AMMECR1L: variants seen among roughly 807,000 people sequenced by gnomAD.
The protein encoded by AMMECR1L is AMMECR1-like protein.
A neutral mutation model predicts 36.8 loss-of-function variants in AMMECR1L; 4 were observed. The observed-to-expected ratio is 0.11, with a 90% CI of 0.05 to 0.25. The LOEUF is 0.25. Ranked by LOEUF, AMMECR1L falls within the 10% of genes least tolerant of loss-of-function variation. The probability of loss-of-function intolerance (pLI) is 1.00; values close to 1 mark genes in which losing one functional copy is unlikely to be tolerated. For missense variants in AMMECR1L, 232 were observed against 392.1 expected (o/e 0.59, Z 3.45); for synonymous variants, 147 against 148.0 (o/e 0.99, Z 0.05).
rs949610374 is a variant in AMMECR1L, at chr2:127,866,902, G to A, written c.819C>T (p.Thr273=). The change falls in exon 7 of 8, where the codon ACC becomes ACT. Residue 273 remains threonine (T), a splice_region_variant and synonymous_variant. Transcript: ENST00000272647. ...AGGAAAACAAGACAATGGCTTACCT[G>A]GTGAGTTTGATCGTTTTTCTGAATT... is the stretch of plus-strand genomic sequence containing the variant. ...TSEFRKTIKL[T]RYRSEKVTIS... is the part of the protein sequence containing the mutation. 2.5e-6 allele frequency: 4 copies of A among 1,613,482 alleles called. No individual in the cohort carries two copies. In the African/African-American group the frequency reaches 5.3e-5, roughly 22 times the overall value.
At position 127,873,100 on chromosome 2, in the gene AMMECR1L, T is replaced by C; in HGVS notation, c.407+728A>G. ...CAACTGAGGAATGAATAATCTCATA[T>C]CAATGAACACTCCAAAAGCATACCC... On this transcript the variant is annotated intron_variant, in intron 3 of 7. Coordinates refer to ENST00000272647, the MANE Select transcript of AMMECR1L (RefSeq NM_001199140.2). The surrounding 1 kb of genome is among the most constrained non-coding windows in gnomAD (Gnocchi z 5.2). 2.0e-6 allele frequency: 2 copies of C among 985,358 alleles called. No individual in the cohort carries two copies. Among genetic ancestry groups the C allele is most frequent in the Non-Finnish European group, 2.4e-6 (2 of 829,922 alleles). 61.0% of individuals were successfully genotyped at this position (985,358 alleles called of 1,614,324 possible).
chr2:127,873,729 GATA>G lies in AMMECR1L; in HGVS notation c.407+96_407+98del. 1 of 1,586,086 alleles carries G rather than the reference GATA, an allele frequency of 6.3e-7. No homozygotes were observed. The highest frequency in any genetic ancestry group is 1.1e-5 in the South Asian group (1 of 87,058). The stretch of plus-strand genomic sequence containing the variant: ...TCTTCCCATTACCCTTTCCTCAAAT[GATA>G]ATAAAGACTTCCAAGTAGCAGACCC... On this transcript the variant is annotated intron_variant, in intron 3 of 7. Coordinates refer to ENST00000272647, the MANE Select transcript of AMMECR1L (RefSeq NM_001199140.2). The surrounding 1 kb of genome is among the most constrained non-coding windows in gnomAD (Gnocchi z 5.2).
At chr2:127,885,678 G>A in intron 1 of AMMECR1L, 132 bp downstream of exon 1, 2 of 983,934 alleles carry the variant, frequency 2.0e-6, no homozygotes, top group African/African-American at 1.7e-5. Flanking sequence ...CTCGCCCCAG[G>A]ACCGCGGGGT....
At chr2:127,870,746 A>G (rs1690928623) in intron 5 of AMMECR1L, 68 bp downstream of exon 5, 2 of 1,203,066 alleles carry the variant, frequency 1.7e-6, no homozygotes, top group Non-Finnish European at 2.4e-6. Flanking sequence ...AAGGAGATAC[A>G]TTGCCATGTA....
At chr2:127,870,603 G>C (rs918938509) in intron 5 of AMMECR1L, among the ~76,000 whole-genome samples, 2 of 152,130 alleles carry the variant, frequency 1.3e-5, no homozygotes, top group Non-Finnish European at 2.9e-5. Flanking sequence ...AGACTAGGGA[G>C]AATCAGGAGA....
At chr2:127,878,607 A>G (rs1266443949) in intron 2 of AMMECR1L, among the ~76,000 whole-genome samples, 2 of 152,210 alleles carry the variant, frequency 1.3e-5, no homozygotes, top group East Asian at 3.8e-4. Context: ...AACCACACCA[A>G]TGCAGATGAA....
At chr2:127,882,666 T>G (rs1290316545) in intron 2 of AMMECR1L, among the ~76,000 whole-genome samples, 1 of 152,090 alleles carries the variant, frequency 6.6e-6, no homozygotes, top group East Asian at 1.9e-4. Context: ...CAATCACAGC[T>G]CAATGCGGCT....
At chr2:127,867,800 G>T (rs2104746210) in intron 6 of AMMECR1L, among the ~76,000 whole-genome samples, 1 of 151,954 alleles carries the variant, frequency 6.6e-6, no homozygotes, top group East Asian at 1.9e-4. Context: ...GGAAGGAAAG[G>T]AAGGAAGGAA....
chr2:127,879,928 A>C (rs190310040), intron 2 of AMMECR1L, among the ~76,000 whole-genome samples: 27 of 152,378 alleles, frequency 1.8e-4, no homozygotes, highest in Admixed American at 1.6e-3. Flanking sequence ...TGTGCCCGCC[A>C]AACTTCCCTG....
In AMMECR1L at chr2:127,869,250, T is replaced by C. The variant is rs929993879; in HGVS notation, c.724+204A>G. Reference sequence around the variant, plus strand: ...AAATATCAGGCGAGTAAGTGAACGATTTACCCTTTTGCTTTTCCCAGCTCC... The same window carrying C: ...AAATATCAGGCGAGTAAGTGAACGACTTACCCTTTTGCTTTTCCCAGCTCC... On this transcript the variant is annotated intron_variant, in intron 6 of 7. Coordinates refer to ENST00000272647, the MANE Select transcript of AMMECR1L (RefSeq NM_001199140.2). This position sits in a 1 kb window ranked among gnomAD's most constrained non-coding sequence, Gnocchi z 4.7. 6.6e-6 allele frequency among the ~76,000 whole-genome samples: 1 copy of C among 152,176 alleles called. No homozygotes were observed. Among genetic ancestry groups the C allele is most frequent in the Non-Finnish European group, 1.5e-5 (1 of 68,044 alleles).
At chr2:127,883,902 T>C (rs970521616) in intron 2 of AMMECR1L, among the ~76,000 whole-genome samples, 2 of 152,188 alleles carry the variant, frequency 1.3e-5, no homozygotes, top group African/African-American at 4.8e-5. Flanking sequence ...TTTGGTTGTA[T>C]TGAGAAACTC....
In AMMECR1L at chr2:127,865,295, A is replaced by C; in HGVS notation, c.822-90T>G. ...CAGAGAAAAACCAAAAGCTTATTCC[A>C]CATTTTGAAAGAATAAAATGGAAGA... On this transcript the variant is annotated intron_variant, in intron 7 of 7. Coordinates refer to ENST00000272647, the MANE Select transcript of AMMECR1L (RefSeq NM_001199140.2). This position sits in a 1 kb window ranked among gnomAD's most constrained non-coding sequence, Gnocchi z 5.4. 1 of 746,124 alleles carries C rather than the reference A, an allele frequency of 1.3e-6. No homozygotes were observed. The highest frequency in any genetic ancestry group is 2.1e-6 in the Non-Finnish European group (1 of 477,848). 46.2% of individuals were successfully genotyped at this position (746,124 alleles called of 1,614,324 possible). A position where few individuals can be genotyped will look rare whatever the true frequency, so the allele number is the denominator to read the frequency against.
Position 127,873,690 on chromosome 2 carries a change from A to G in AMMECR1L, c.407+138T>C. 3.2e-6 allele frequency: 5 copies of G among 1,556,030 alleles called. No homozygotes were observed. The African/African-American group carries it at 5.5e-5, about 17-fold the overall frequency. ...TGAATGTTTTAAATATTCTCTGGAC[A>G]TTTCTTATCATTCTCTTCCCATTAC... is the stretch of plus-strand genomic sequence containing the variant. On this transcript the variant is annotated intron_variant, in intron 3 of 7. Transcript: ENST00000272647. This position sits in a 1 kb window ranked among gnomAD's most constrained non-coding sequence, Gnocchi z 5.2.
intron 2 of AMMECR1L, among the ~76,000 whole-genome samples, chr2:127,883,038 C>G (rs916275743): frequency 6.6e-6 from 1 of 151,682 alleles, no homozygotes; most frequent in Non-Finnish European, 1.5e-5. Context: ...CGCCACCATG[C>G]CTGGCAACAA....
At position 127,873,350 on chromosome 2, in the gene AMMECR1L, T is replaced by C. The variant is rs1286985658; in HGVS notation, c.407+478A>G. ...CTTCTTGATGGGATGTGAGTGGCCC[T>C]ACAGGTTTACCAAGGGATTTCTCAT... is the stretch of plus-strand genomic sequence containing the variant. On this transcript the variant is annotated intron_variant, in intron 3 of 7. Transcript: ENST00000272647. This position sits in a 1 kb window ranked among gnomAD's most constrained non-coding sequence, Gnocchi z 5.2. The C allele has an allele frequency of 4.1e-6, 4 of 985,338 alleles. No individual in the cohort carries two copies. Among genetic ancestry groups the C allele is most frequent in the Non-Finnish European group, 4.8e-6 (4 of 829,944 alleles). 61.0% of individuals were successfully genotyped at this position (985,338 alleles called of 1,614,324 possible). A position where few individuals can be genotyped will look rare whatever the true frequency, so the allele number is the denominator to read the frequency against.
intron 2 of AMMECR1L, among the ~76,000 whole-genome samples, chr2:127,882,147 C>T (rs1691526436): frequency 6.6e-6 from 1 of 152,094 alleles, no homozygotes; most frequent in Non-Finnish European, 1.5e-5. Context: ...TCTAGAAAAG[C>T]CTAAAGGTGG....
rs910979159 is a variant in AMMECR1L at position 127,862,083 on chromosome 2, G to A, written c.*3011C>T. 1.3e-5 allele frequency: 2 copies of A among 152,770 alleles called. No individual in the cohort carries two copies. The highest frequency in any genetic ancestry group is 2.4e-5 in the African/African-American group (1 of 41,428). 9.5% of individuals were successfully genotyped at this position (152,770 alleles called of 1,614,324 possible). A position where few individuals can be genotyped will look rare whatever the true frequency, so the allele number is the denominator to read the frequency against. ...CTCACAGTGGAAATAATCCAACACC[G>A]ACAGACTCTAGTGATCAAAGACATT... On this transcript the variant is annotated 3_prime_UTR_variant, in exon 8 of 8. Transcript: ENST00000272647.
In AMMECR1L at chr2:127,871,052, T is replaced by A; in HGVS notation, c.519-124A>T. Reference sequence around the variant, plus strand: ...GAGAGTATCTATTGTTCATCAACACTAACATGTTAAAAACAACTCGATGCT... The same window carrying A: ...GAGAGTATCTATTGTTCATCAACACAAACATGTTAAAAACAACTCGATGCT... On this transcript the variant is annotated intron_variant, in intron 4 of 7. Coordinates refer to ENST00000272647, the MANE Select transcript of AMMECR1L (RefSeq NM_001199140.2). This position sits in a 1 kb window ranked among gnomAD's most constrained non-coding sequence, Gnocchi z 4.3. The A allele has an allele frequency of 1.1e-6, 1 of 921,766 alleles. No homozygotes were observed. The highest frequency in any genetic ancestry group is 1.6e-6 in the Non-Finnish European group (1 of 612,292). The allele number at this position is 921,766 out of a possible 1,614,324, so 57.1% of individuals were successfully genotyped here. A position where few individuals can be genotyped will look rare whatever the true frequency, so the allele number is the denominator to read the frequency against.
At chr2:127,871,000 A>G in intron 4 of AMMECR1L, 72 bp from the exon 5 acceptor site, 3 of 1,187,310 alleles carry the variant, frequency 2.5e-6, no homozygotes, top group Non-Finnish European at 3.6e-6. Context: ...CATAGAGCCC[A>G]CATATTTATG....
Sources: gnomAD v4.1 joint callset for allele counts (sites outside exome capture counted in the v4.1 genomes callset) on GRCh38, gnomAD v4.1.1 for gene constraint, Gnocchi (gnomAD v3.1) non-coding constraint, MANE v1.5 for transcripts, NCBI Gene and HGNC (gene_info 2026-07-23, HGNC 2026-07-21) for gene names.